EXT2: variants seen among roughly 807,000 people sequenced by gnomAD.
EXT2 encodes exostosin glycosyltransferase 2.
In EXT2, 53 loss-of-function variants were observed where a neutral mutation model predicts 81.6. The ratio of observed to expected loss-of-function variants is 0.65; its 90% CI spans 0.52 to 0.82. The LOEUF (loss-of-function observed/expected upper bound fraction) is 0.82, where lower values mean the gene tolerates loss of function less well. Ranked by LOEUF, EXT2 falls within the 40% of genes least tolerant of loss-of-function variation. The pLI is 0.00. For missense variants in EXT2, 774 were observed against 910.2 expected (o/e 0.85, Z 1.93); for synonymous variants, 320 against 340.0 (o/e 0.94, Z 0.65).
intron 13 of EXT2, among the ~76,000 whole-genome samples, chr11:44,239,844 T>A (rs1213147932): frequency 6.6e-6 from 1 of 152,004 alleles, no homozygotes; most frequent in Non-Finnish European, 1.5e-5. Flanking sequence ...AGCCCAGTCA[T>A]CCCTCGGTAT....
intron 8 of EXT2, among the ~76,000 whole-genome samples, chr11:44,193,434 A>G (rs1444227677): frequency 1.3e-5 from 2 of 152,248 alleles, no homozygotes; most frequent in Non-Finnish European, 2.9e-5. Context: ...TATGCTAAGT[A>G]ATACTACCTA....
intron 7 of EXT2, among the ~76,000 whole-genome samples, chr11:44,164,421 A>C (rs1375684969): frequency 6.6e-6 from 1 of 152,228 alleles, no homozygotes; most frequent in Non-Finnish European, 1.5e-5. Context: ...GTAACTTAAA[A>C]TTGCTCAAGA....
At chr11:44,221,755 T>C (rs1016475669) in intron 10 of EXT2, among the ~76,000 whole-genome samples, 16 of 152,242 alleles carry the variant, frequency 1.1e-4, no homozygotes, top group African/African-American at 3.9e-4. Flanking sequence ...CGGCAGTGTA[T>C]GTAGCTTTCG....
chr11:44,190,170 G>A (rs1488370396), intron 8 of EXT2, among the ~76,000 whole-genome samples: 1 of 152,184 alleles, frequency 6.6e-6, no homozygotes, highest in Non-Finnish European at 1.5e-5. Flanking sequence ...AGAAATGAAA[G>A]GGTTAACTCC....
chr11:44,244,368 T>TGCTGGG lies in EXT2; in HGVS notation c.*81_*82insGCTGGG. 6.6e-7 allele frequency: 1 copy of TGCTGGG among 1,520,552 alleles called. No homozygotes were observed. The highest frequency in any genetic ancestry group is 9.1e-7 in the Non-Finnish European group (1 of 1,096,538). 94.2% of individuals were successfully genotyped at this position (1,520,552 alleles called of 1,614,324 possible). A position where few individuals can be genotyped will look rare whatever the true frequency, so the allele number is the denominator to read the frequency against. On this transcript the variant is annotated 3_prime_UTR_variant, in exon 14 of 14. Transcript: ENST00000533608. ...GCCTCCCAGCACTCTGATGTCAGAG[T>TGCTGGG]AGTAGGTTAAGGGTGGAAGGTTGAC... is the stretch of plus-strand genomic sequence containing the variant.
At position 44,107,985 on chromosome 11, in the gene EXT2, T is replaced by C. The variant is rs1470895729; in HGVS notation, c.273T>C (p.Phe91=). ...GDLSCRMHTC[F]DVYRCGFNPK... ...TCAGTTGCAGAATGCACACGTGTTT[T>C]GATGTCTATCGCTGTGGCTTCAACC... The change falls in exon 2 of 14, where the codon TTT becomes TTC. Residue 91 remains phenylalanine, a synonymous_variant. Coordinates refer to ENST00000533608, the MANE Select transcript of EXT2 (RefSeq NM_207122.2). The C allele has an allele frequency of 6.2e-7, 1 of 1,614,228 alleles. No individual in the cohort carries two copies. The highest frequency in any genetic ancestry group is 1.7e-5 in the Admixed American group (1 of 60,030).
chr11:44,240,938 G>A (rs1478340340), intron 13 of EXT2, among the ~76,000 whole-genome samples: 1 of 152,136 alleles, frequency 6.6e-6, no homozygotes, highest in African/African-American at 2.4e-5. Flanking sequence ...CTGAGTAGCT[G>A]GGATTATAAA....
At position 44,197,899 on chromosome 11, in the gene EXT2, T is replaced by C. The variant is rs1955475862; in HGVS notation, c.1376T>C (p.Ile459Thr). 1.9e-6 allele frequency: 3 copies of C among 1,613,986 alleles called. No homozygotes were observed. The highest frequency in any genetic ancestry group is 2.5e-6 in the Non-Finnish European group (3 of 1,179,976). Residue 459 changes from isoleucine to threonine, a missense_variant, in exon 9 of 14, where the codon ATA becomes ACA. By Grantham distance (89) the Ile-to-Thr change is moderately conservative. Around this residue, in one of 2 missense-constraint regions of EXT2, gnomAD observed 626 missense variants for 670.5 expected, o/e 0.93. Coordinates refer to ENST00000533608, the MANE Select transcript of EXT2 (RefSeq NM_207122.2). ...IPPQSQGFTA[I>T]VLTYDRVESL... ...CCACAGTCTCAAGGGTTCACCGCCA[T>C]AGTCCTCACCTACGACCGAGTAGAG...
intron 7 of EXT2, among the ~76,000 whole-genome samples, chr11:44,136,494 A>C (rs1419308213): frequency 6.6e-6 from 1 of 152,138 alleles, no homozygotes; most frequent in Non-Finnish European, 1.5e-5. Flanking sequence ...TAACAATTCA[A>C]GCTAAGTGCT....
At chr11:44,159,295 C>G (rs550141009) in intron 7 of EXT2, among the ~76,000 whole-genome samples, 1 of 151,808 alleles carries the variant, frequency 6.6e-6, no homozygotes, top group South Asian at 2.1e-4. Flanking sequence ...GTATTTATAT[C>G]TTTTGTAGTT....
At chr11:44,187,428 C>G (rs574091429) in intron 8 of EXT2, among the ~76,000 whole-genome samples, 42 of 151,848 alleles carry the variant, frequency 2.8e-4, no homozygotes, top group Non-Finnish European at 5.1e-4. Flanking sequence ...GAACTCCTGG[C>G]CTCGAGCAAT....
intron 1 of EXT2, among the ~76,000 whole-genome samples, chr11:44,096,666 C>A (rs1953903419): frequency 6.6e-6 from 1 of 152,184 alleles, no homozygotes; most frequent in Non-Finnish European, 1.5e-5. Context: ...CTCTGGGCTT[C>A]AACTTGAAGT....
Position 44,119,151 on chromosome 11 carries a change from TATATATATATATATATATAC to T in EXT2, c.743+4852_743+4871del, listed in dbSNP as rs1288708121. Among the ~76,000 whole-genome samples, 512 of 91,606 alleles carry T rather than the reference TATATATATATATATATATAC, an allele frequency of 5.6e-3. 30 individuals carry two copies. The East Asian group carries it at 0.079, about 14-fold the overall frequency. The allele number at this position is 91,606 out of a possible 152,430, so 60.1% of individuals were successfully genotyped here. On this transcript the variant is annotated intron_variant, in intron 4 of 13. Coordinates refer to ENST00000533608, the MANE Select transcript of EXT2 (RefSeq NM_207122.2). ...ATATATATATATATATATATATATA[TATATATATATATATATATAC>T]ACATACACACACACACACACACATT...
At chr11:44,099,330 C>T (rs1477165769) in intron 1 of EXT2, among the ~76,000 whole-genome samples, 1 of 152,162 alleles carries the variant, frequency 6.6e-6, no homozygotes, top group African/African-American at 2.4e-5. Flanking sequence ...GGACTACAGG[C>T]ACCCACCACC....
chr11:44,127,951 T>C (rs1954433559), intron 6 of EXT2, among the ~76,000 whole-genome samples: 1 of 152,262 alleles, frequency 6.6e-6, no homozygotes, highest in Non-Finnish European at 1.5e-5. Context: ...CCCTCTATTC[T>C]CATGCTTCAC....
chr11:44,158,984 T>C (rs1301167610), intron 7 of EXT2, among the ~76,000 whole-genome samples: 2 of 152,058 alleles, frequency 1.3e-5, no homozygotes, highest in Non-Finnish European at 1.5e-5. Flanking sequence ...TAAGGTGTTT[T>C]CCCCTACCCC....
chr11:44,204,685 T>G (rs1955561352), intron 9 of EXT2, among the ~76,000 whole-genome samples: 1 of 152,200 alleles, frequency 6.6e-6, no homozygotes, highest in South Asian at 2.1e-4. Flanking sequence ...GCGAGAAGCC[T>G]GTTGTGAACT....
At chr11:44,186,229 G>A (rs1423919246) in intron 8 of EXT2, among the ~76,000 whole-genome samples, 1 of 152,138 alleles carries the variant, frequency 6.6e-6, no homozygotes, top group Non-Finnish European at 1.5e-5. Context: ...ATCTTTGCCA[G>A]TATCTTAAGC....
chr11:44,191,244 G>A (rs1315763812), intron 8 of EXT2, among the ~76,000 whole-genome samples: 1 of 152,246 alleles, frequency 6.6e-6, no homozygotes, highest in Non-Finnish European at 1.5e-5. Flanking sequence ...TGAATTTGGA[G>A]GAGTGAGAAG....
Sources: allele counts gnomAD v4.1 joint callset (sites outside exome capture counted in the v4.1 genomes callset), GRCh38; gene constraint gnomAD v4.1.1; regional missense constraint gnomAD v4.1.1; transcripts MANE v1.5; gene names NCBI Gene and HGNC (gene_info 2026-07-23, HGNC 2026-07-21).